Variants in SSBP3 observed in about 807,000 individuals in gnomAD.
SSBP3 encodes single-stranded DNA-binding protein 3.
SSBP3 carries 5 observed loss-of-function variants against 69.6 expected under a neutral mutation model. The ratio of observed to expected loss-of-function variants is 0.07; its 90% CI spans 0.04 to 0.15. The LOEUF (loss-of-function observed/expected upper bound fraction) is 0.15, where lower values mean the gene tolerates loss of function less well. Among genes scored for constraint, SSBP3 ranks in the 10% least tolerant of loss-of-function variants. SSBP3 has a pLI of 1.00. For missense variants in SSBP3, 312 were observed against 534.0 expected (o/e 0.58, Z 4.10); for synonymous variants, 196 against 193.4 (o/e 1.01, Z -0.11).
At chr1:54,383,760 T>C (rs976887099) in intron 4 of SSBP3, among the ~76,000 whole-genome samples, 3 of 152,152 alleles carry the variant, frequency 2.0e-5, no homozygotes, top group African/African-American at 7.2e-5. Flanking sequence ...GTGATGGAGT[T>C]CTGGATTCCA....
chr1:54,253,184 T>TC (rs397766207), intron 7 of SSBP3, among the ~76,000 whole-genome samples: 1 of 141,210 alleles, frequency 7.1e-6, no homozygotes, highest in African/African-American at 2.8e-5. Flanking sequence ...GTTTTTTTTT[T>TC]AGTTTTTGTT....
At chr1:54,282,652 C>A (rs1569600533) in intron 4 of SSBP3, among the ~76,000 whole-genome samples, 1 of 152,206 alleles carries the variant, frequency 6.6e-6, no homozygotes, top group Non-Finnish European at 1.5e-5. Flanking sequence ...CGGGGCGAGG[C>A]TGAGACATCT....
intron 5 of SSBP3, among the ~76,000 whole-genome samples, chr1:54,265,832 T>C (rs1427117864): frequency 6.6e-6 from 1 of 152,204 alleles, no homozygotes; most frequent in Non-Finnish European, 1.5e-5. Flanking sequence ...CCCTTCCTCC[T>C]AGCAGTCTCT....
rs746933473 is a variant in SSBP3 at position 54,276,608 on chromosome 1, CAAAAAAAAAA to C, written c.366+4820_366+4829del. On this transcript the variant is annotated intron_variant, in intron 5 of 17. Coordinates refer to ENST00000610401, the Ensembl canonical transcript of SSBP3. The stretch of plus-strand genomic sequence containing the variant: ...TGGGTGACAGAGTGAGACTCTGTCT[CAAAAAAAAAA>C]AAAAAAAAAAAAAAAGGTGTCAGCT... Among the ~76,000 whole-genome samples the C allele has an allele frequency of 1.1e-4, 4 of 35,224 alleles. 1 individual carries two copies. The Admixed American group carries it at 1.1e-3, about 10-fold the overall frequency. 23.1% of individuals were successfully genotyped at this position (35,224 alleles called of 152,430 possible).
At chr1:54,317,527 ACT>A (rs1646134808) in intron 4 of SSBP3, among the ~76,000 whole-genome samples, 1 of 150,980 alleles carries the variant, frequency 6.6e-6, no homozygotes, top group Admixed American at 6.6e-5. Context: ...ATAGAGCGAG[ACT>A]CTCAAAAAAA....
chr1:54,405,973 C>G (rs540252738), exon 1 of SSBP3: 2 of 1,473,144 alleles, frequency 1.4e-6, no homozygotes, highest in Non-Finnish European at 1.8e-6. Flanking sequence ...CCTGCCCATC[C>G]GAGGGCACCG....
At chr1:54,246,075 G>A (rs1042455389) in intron 9 of SSBP3, among the ~76,000 whole-genome samples, 3 of 152,162 alleles carry the variant, frequency 2.0e-5, no homozygotes, top group Non-Finnish European at 4.4e-5. Context: ...CCTCTGCTGT[G>A]CTGCCTTGTC....
rs575413156 is a variant in SSBP3 at position 54,333,870 on chromosome 1, G to A, written c.277-52343C>T. Among the ~76,000 whole-genome samples, 12 of 152,132 alleles carry A rather than the reference G, an allele frequency of 7.9e-5. No individual in the cohort carries two copies. In the South Asian group the frequency reaches 2.5e-3, roughly 32 times the overall value. On this transcript the variant is annotated intron_variant, in intron 4 of 17. Coordinates refer to ENST00000610401, the Ensembl canonical transcript of SSBP3. ...ACCTGAGCCCAGGAGTTTGAGACCA[G>A]CCTGGGCAACAAAGCAAGATCCTAT...
intron 4 of SSBP3, among the ~76,000 whole-genome samples, chr1:54,349,119 T>C (rs758586637): frequency 6.6e-6 from 1 of 152,184 alleles, no homozygotes; most frequent in Non-Finnish European, 1.5e-5. Context: ...TGGAACATGA[T>C]TAACAAATAT....
At chr1:54,357,277 T>G (rs1414670415) in intron 4 of SSBP3, among the ~76,000 whole-genome samples, 2 of 151,948 alleles carry the variant, frequency 1.3e-5, no homozygotes, top group African/African-American at 4.8e-5. Flanking sequence ...TGGCCCAGGG[T>G]GGGCACTCGA....
intron 4 of SSBP3, among the ~76,000 whole-genome samples, chr1:54,353,648 C>T (rs1200313150): frequency 6.6e-6 from 1 of 152,198 alleles, no homozygotes; most frequent in Non-Finnish European, 1.5e-5. Context: ...CAGAGAAAAA[C>T]AGGCAGGGTC....
chr1:54,267,650 G>A (rs1557478173), intron 5 of SSBP3, among the ~76,000 whole-genome samples: 1 of 152,190 alleles, frequency 6.6e-6, no homozygotes, highest in Non-Finnish European at 1.5e-5. Context: ...AGGACTTCAT[G>A]CACAAGATGG....
At chr1:54,379,342 G>C (rs1195285528) in intron 4 of SSBP3, among the ~76,000 whole-genome samples, 4 of 152,124 alleles carry the variant, frequency 2.6e-5, no homozygotes, top group Non-Finnish European at 4.4e-5. Flanking sequence ...ACCACACCTG[G>C]AGGTTGTGAG....
intron 4 of SSBP3, among the ~76,000 whole-genome samples, chr1:54,365,097 C>T (rs749962942): frequency 6.6e-6 from 1 of 152,086 alleles, no homozygotes; most frequent in East Asian, 1.9e-4. Flanking sequence ...ACAAAGGCGC[C>T]GAAGAGCTTT....
chr1:54,317,428 T>C (rs113528675), intron 4 of SSBP3, among the ~76,000 whole-genome samples: 26 of 151,498 alleles, frequency 1.7e-4, no homozygotes, highest in African/African-American at 5.8e-4. Context: ...TCCCAGCTAC[T>C]GGGGAGGCTG....
chr1:54,328,344 C>T (rs1465810851), intron 4 of SSBP3, among the ~76,000 whole-genome samples: 2 of 152,188 alleles, frequency 1.3e-5, no homozygotes, highest in East Asian at 3.8e-4. Flanking sequence ...AGGCAGGAGG[C>T]TGAGGTGACC....
At chr1:54,289,763 T>C (rs959495652) in intron 4 of SSBP3, among the ~76,000 whole-genome samples, 3 of 151,874 alleles carry the variant, frequency 2.0e-5, no homozygotes, top group Admixed American at 2.0e-4. Flanking sequence ...AGCCTTTCCT[T>C]AGAGAGCAAA....
At position 54,235,282 on chromosome 1, in the gene SSBP3, T is replaced by A. The variant is rs1013265491; in HGVS notation, c.927+3847A>T. Among the ~76,000 whole-genome samples, 549 of 70,578 alleles carry A rather than the reference T, an allele frequency of 7.8e-3. 3 individuals are homozygous for A. Among genetic ancestry groups the A allele is most frequent in the African/African-American group, 0.026 (520 of 19,806 alleles). The allele number at this position is 70,578 out of a possible 152,430, so 46.3% of individuals were successfully genotyped here. A position where few individuals can be genotyped will look rare whatever the true frequency, so the allele number is the denominator to read the frequency against. On this transcript the variant is annotated intron_variant, in intron 14 of 17. Transcript: ENST00000610401. ...CTGTCTAAGATGTCCAGTTTTTTTT[T>A]TTTTTTTTTTTTTTTTTGAGACAGA...
At chr1:54,233,616 G>A (rs1423537697) in intron 14 of SSBP3, among the ~76,000 whole-genome samples, 41 of 142,682 alleles carry the variant, frequency 2.9e-4, no homozygotes, top group African/African-American at 2.9e-4. Context: ...CCGGCCAGCC[G>A]CCCCGTCCGG....
Sources: allele counts gnomAD v4.1 joint callset (sites outside exome capture counted in the v4.1 genomes callset), GRCh38; gene constraint gnomAD v4.1.1; transcripts MANE v1.5; gene names NCBI Gene and HGNC (gene_info 2026-07-23, HGNC 2026-07-21).